Variants in HS6ST3 observed in about 807,000 individuals in gnomAD.
HS6ST3 encodes the protein heparan sulfate 6-O-sulfotransferase 3.
Under a neutral mutation model 36.7 loss-of-function variants are expected in HS6ST3, and 12 were observed. The ratio of observed to expected loss-of-function variants is 0.33; its 90% CI spans 0.21 to 0.53. HS6ST3 has a LOEUF of 0.53. HS6ST3 is among the 20% of genes least tolerant of loss of function. The pLI is 0.95. For missense variants in HS6ST3, 584 were observed against 640.9 expected, an observed-to-expected ratio of 0.91 and a Z score of 0.96; for synonymous variants, 240 against 257.5, an observed-to-expected ratio of 0.93 and a Z score of 0.65.
At chr13:96,275,465 C>G (rs941426894) in intron 1 of HS6ST3, among the ~76,000 whole-genome samples, 1 of 152,090 alleles carries the variant, frequency 6.6e-6, no homozygotes, top group Non-Finnish European at 1.5e-5. Context: ...ATACAGCAAC[C>G]GGCAGTGCAT....
At chr13:96,254,724 G>C (rs2054628707) in intron 1 of HS6ST3, among the ~76,000 whole-genome samples, 1 of 151,750 alleles carries the variant, frequency 6.6e-6, no homozygotes, top group African/African-American at 2.4e-5. Flanking sequence ...AAACTCAAAG[G>C]GAAGGACAGA....
chr13:96,303,858 T>C (rs1274013310), intron 1 of HS6ST3, among the ~76,000 whole-genome samples: 3 of 152,128 alleles, frequency 2.0e-5, no homozygotes, highest in Non-Finnish European at 4.4e-5. Flanking sequence ...AAAATATGAC[T>C]TGGGTAGGGC....
chr13:96,703,537 G>T (rs1376169924), intron 1 of HS6ST3, among the ~76,000 whole-genome samples: 1 of 152,060 alleles, frequency 6.6e-6, no homozygotes, highest in African/African-American at 2.4e-5. Flanking sequence ...GTCTAAAGTG[G>T]GGATAACAAA....
chr13:96,249,130 G>T (rs1216193471), intron 1 of HS6ST3, among the ~76,000 whole-genome samples: 1 of 152,100 alleles, frequency 6.6e-6, no homozygotes, highest in Admixed American at 6.6e-5. Flanking sequence ...AGACAAAGCT[G>T]AGTTCTTTAT....
intron 1 of HS6ST3, among the ~76,000 whole-genome samples, chr13:96,700,302 T>C (rs924928484): frequency 6.6e-6 from 1 of 152,118 alleles, no homozygotes; most frequent in African/African-American, 2.4e-5. Context: ...TATAAAACTA[T>C]CACATCTCGT....
At chr13:96,545,501 G>T (rs1471236295) in intron 1 of HS6ST3, among the ~76,000 whole-genome samples, 5 of 152,208 alleles carry the variant, frequency 3.3e-5, no homozygotes, top group Non-Finnish European at 5.9e-5. Flanking sequence ...CAGAAGAAGA[G>T]TGGGGTAACT....
At chr13:96,095,672 T>A (rs1796884570) in intron 1 of HS6ST3, among the ~76,000 whole-genome samples, 1 of 152,202 alleles carries the variant, frequency 6.6e-6, no homozygotes, top group South Asian at 2.1e-4. Context: ...TGGGCAAATG[T>A]TCTTCATATC....
intron 1 of HS6ST3, among the ~76,000 whole-genome samples, chr13:96,137,182 A>C (rs2054006848): frequency 9.0e-6 from 1 of 110,978 alleles, no homozygotes; most frequent in African/African-American, 3.6e-5. Context: ...CCCATTTAAT[A>C]ACCACTTTCT....
At chr13:96,681,933 C>T (rs2056719631) in intron 1 of HS6ST3, among the ~76,000 whole-genome samples, 1 of 151,996 alleles carries the variant, frequency 6.6e-6, no homozygotes, top group African/African-American at 2.4e-5. Context: ...CAAACATTAC[C>T]CTCAGTGCAA....
At chr13:96,714,556 G>T (rs528637705) in intron 1 of HS6ST3, among the ~76,000 whole-genome samples, 1 of 152,226 alleles carries the variant, frequency 6.6e-6, no homozygotes, top group South Asian at 2.1e-4. Flanking sequence ...ATTTTAATTG[G>T]TATCAGTAGT....
chr13:96,796,000 G>C (rs953203795), intron 1 of HS6ST3, among the ~76,000 whole-genome samples: 3 of 152,054 alleles, frequency 2.0e-5, no homozygotes, highest in African/African-American at 7.2e-5. Flanking sequence ...GAAGGAAAAA[G>C]GCTATGAAAG....
At chr13:96,687,457 A>G (rs990002793) in intron 1 of HS6ST3, among the ~76,000 whole-genome samples, 1 of 152,072 alleles carries the variant, frequency 6.6e-6, no homozygotes, top group Non-Finnish European at 1.5e-5. Flanking sequence ...AATGACTACA[A>G]TATGCAGAAT....
At chr13:96,464,246 T>G in intron 1 of HS6ST3, among the ~76,000 whole-genome samples, 1 of 149,170 alleles carries the variant, frequency 6.7e-6, no homozygotes, top group Non-Finnish European at 1.5e-5. Context: ...CTTACCCCCC[T>G]ACCCAGTTCC....
intron 1 of HS6ST3, among the ~76,000 whole-genome samples, chr13:96,728,966 G>A (rs914058110): frequency 2.0e-5 from 3 of 152,180 alleles, no homozygotes; most frequent in African/African-American, 7.2e-5. Context: ...TTCATCTTTA[G>A]GTGAGTGATA....
intron 1 of HS6ST3, among the ~76,000 whole-genome samples, chr13:96,655,811 A>G (rs1392367021): frequency 6.6e-6 from 1 of 152,120 alleles, no homozygotes; most frequent in East Asian, 1.9e-4. Flanking sequence ...ACACTACTGC[A>G]GAGAGAAGAG....
chr13:96,567,673 A>G (rs72642772), intron 1 of HS6ST3, among the ~76,000 whole-genome samples: 8,206 of 152,324 alleles, frequency 0.054, 277 homozygotes, highest in Middle Eastern at 0.095. Flanking sequence ...AAAACATGAT[A>G]AAAGTCACTA....
chr13:96,596,056 C>T (rs1003328038), intron 1 of HS6ST3, among the ~76,000 whole-genome samples: 17 of 152,230 alleles, frequency 1.1e-4, no homozygotes, highest in African/African-American at 4.1e-4. Flanking sequence ...AAATAGTGTA[C>T]ATGGTACTCA....
intron 1 of HS6ST3, among the ~76,000 whole-genome samples, chr13:96,805,366 T>A (rs995260037): frequency 6.6e-6 from 1 of 152,184 alleles, no homozygotes; most frequent in Admixed American, 6.6e-5. Context: ...AGATGTACCC[T>A]GCTTCTCCTT....
intron 1 of HS6ST3, among the ~76,000 whole-genome samples, chr13:96,347,501 T>A (rs1276039555): frequency 6.6e-6 from 1 of 152,180 alleles, no homozygotes; most frequent in Non-Finnish European, 1.5e-5. Context: ...ATTCCAACGT[T>A]GCTGTTTGGG....
Sources: allele counts gnomAD v4.1 joint callset (sites outside exome capture counted in the v4.1 genomes callset), GRCh38; gene constraint gnomAD v4.1.1; transcripts MANE v1.5; gene names NCBI Gene and HGNC (gene_info 2026-07-23, HGNC 2026-07-21).